Variants in CACNA1G observed in about 807,000 individuals in gnomAD.
The protein encoded by CACNA1G is calcium voltage-gated channel subunit alpha1 G.
In CACNA1G, 67 loss-of-function variants were observed where a neutral mutation model predicts 219.4. The ratio of observed to expected loss-of-function variants is 0.31; its 90% CI spans 0.25 to 0.37. The LOEUF is 0.37. CACNA1G is among the 10% of genes least tolerant of loss of function. CACNA1G has a pLI of 1.00. For synonymous variants in CACNA1G, 1,296 were observed against 1,345.3 expected, an observed-to-expected ratio of 0.96 and a Z score of 0.80; for missense variants, 2,380 against 3,231.4, an observed-to-expected ratio of 0.74 and a Z score of 6.39.
intron 16 of CACNA1G, among the ~76,000 whole-genome samples, chr17:50,598,510 G>GT (rs1180800415): frequency 1.3e-5 from 2 of 152,212 alleles, no homozygotes; most frequent in East Asian, 3.8e-4. Context: ...CTATTTTTAG[G>GT]TTTTTGAGGA....
At position 50,626,439 on chromosome 17, in the gene CACNA1G, C is replaced by G. The variant is rs1169523302; in HGVS notation, c.6822C>G (p.Cys2274Trp). The change falls in exon 38 of 38, where the codon TGC (cysteine) becomes TGG (tryptophan). Residue 2274 changes from cysteine to tryptophan, a missense_variant. Coordinates refer to ENST00000359106, the MANE Select transcript of CACNA1G (RefSeq NM_018896.5). This position sits in a 1 kb window ranked among gnomAD's most constrained non-coding sequence, Gnocchi z 4.3. ...GGAGACACTCTATCGCCGTCAGCTG[C>G]CTGGACAGCGGCTCCCAACCCCACC... ...EQRRHSIAVS[C>W]LDSGSQPHLG... 6.2e-7 allele frequency: 1 copy of G among 1,606,744 alleles called. No individual in the cohort carries two copies.
intron 1 of CACNA1G, 68 bp downstream of exon 1, chr17:50,561,769 G>T: frequency 3.4e-6 from 5 of 1,458,928 alleles, no homozygotes; most frequent in Non-Finnish European, 3.6e-6. Flanking sequence ...CCGGGGGTCG[G>T]GGGGGAAGAA....
intron 37 of CACNA1G, among the ~76,000 whole-genome samples, chr17:50,625,654 G>C (rs2053590786): frequency 6.6e-6 from 1 of 152,206 alleles, no homozygotes; most frequent in African/African-American, 2.4e-5. Context: ...CAGAGCCAAA[G>C]GGGAAGTCTA....
intron 28 of CACNA1G, 114 bp downstream of exon 28, chr17:50,616,498 T>G (rs1320260891): frequency 6.3e-6 from 4 of 636,258 alleles, no homozygotes; most frequent in Non-Finnish European, 1.1e-5. Flanking sequence ...TTCCTGAGGT[T>G]CAGCCCCCAC....
At position 50,627,311 on chromosome 17, in the gene CACNA1G, T is replaced by C. The variant is rs891717123; in HGVS notation, c.*560T>C. 1.9e-5 allele frequency: 8 copies of C among 423,654 alleles called. No individual in the cohort carries two copies. Among genetic ancestry groups the C allele is most frequent in the Non-Finnish European group, 3.8e-5 (8 of 209,828 alleles). The allele number at this position is 423,654 out of a possible 1,614,324, so 26.2% of individuals were successfully genotyped here. Reference sequence around the variant, plus strand: ...CCATTTTGGAAACTGTAATGTAACTTATTTTTTCCTTTAACCTCGTCATCA... The same window carrying C: ...CCATTTTGGAAACTGTAATGTAACTCATTTTTTCCTTTAACCTCGTCATCA... On this transcript the variant is annotated 3_prime_UTR_variant, in exon 38 of 38. Transcript: ENST00000359106.
At chr17:50,597,277 C>T (rs760411666) in intron 16 of CACNA1G, among the ~76,000 whole-genome samples, 1 of 152,180 alleles carries the variant, frequency 6.6e-6, no homozygotes, top group African/African-American at 2.4e-5. Context: ...GGTACTGACT[C>T]TGTGCCAGAC....
Position 50,618,002 on chromosome 17 carries a change from T to G in CACNA1G, c.5227-46T>G. 1 of 1,612,810 alleles carries G rather than the reference T, an allele frequency of 6.2e-7. No individual in the cohort carries two copies. Among genetic ancestry groups the G allele is most frequent in the Admixed American group, 1.7e-5 (1 of 60,006 alleles). On this transcript the variant is annotated intron_variant, in intron 30 of 37. Transcript: ENST00000359106. This position sits in a 1 kb window ranked among gnomAD's most constrained non-coding sequence, Gnocchi z 5.3. Reference sequence around the variant, plus strand: ...AGGGAAGGGGCTCAGAGAAGCTGACTGGGAGACCCAGCGGCATCGTTTCTA... The same window carrying G: ...AGGGAAGGGGCTCAGAGAAGCTGACGGGGAGACCCAGCGGCATCGTTTCTA...
At chr17:50,580,623 C>T (rs569173970) in intron 9 of CACNA1G, among the ~76,000 whole-genome samples, 1 of 152,330 alleles carries the variant, frequency 6.6e-6, no homozygotes, top group East Asian at 1.9e-4. Flanking sequence ...CCTGCACCTT[C>T]TTCTTGCTCA....
chr17:50,608,904 CCTCT>C (rs147501525), intron 25 of CACNA1G, among the ~76,000 whole-genome samples: 17 of 150,914 alleles, frequency 1.1e-4, no homozygotes, highest in Non-Finnish European at 2.2e-4. Flanking sequence ...AATCTCCGCG[CCTCT>C]CTCTCTCTCT....
chr17:50,616,665 G>A (rs1167351134), intron 28 of CACNA1G, among the ~76,000 whole-genome samples: 2 of 152,186 alleles, frequency 1.3e-5, no homozygotes, highest in Non-Finnish European at 2.9e-5. Context: ...CACAGAGCCT[G>A]GAGCCAGACT....
At chr17:50,625,880 C>A in intron 37 of CACNA1G, 137 bp from the exon 38 acceptor site, 1 of 876,598 alleles carries the variant, frequency 1.1e-6, no homozygotes, top group Non-Finnish European at 1.7e-6. Context: ...CTAGTAAGAG[C>A]GGCTACCAGG....
At chr17:50,615,556 T>G in intron 27 of CACNA1G, 44 bp downstream of exon 27, 1 of 1,596,756 alleles carries the variant, frequency 6.3e-7, no homozygotes, top group South Asian at 1.1e-5. Context: ...CACCTCCAGC[T>G]GAGGAACCTC....
intron 21 of CACNA1G, 38 bp from the exon 22 acceptor site, chr17:50,604,116 TG>T (rs1250579551): frequency 3.1e-6 from 5 of 1,599,146 alleles, no homozygotes; most frequent in Non-Finnish European, 3.4e-6. Context: ...GGGTCTGGGC[TG>T]GGGGAAGCCT....
chr17:50,565,450 A>G (rs2037521106), intron 1 of CACNA1G, among the ~76,000 whole-genome samples: 1 of 150,926 alleles, frequency 6.6e-6, no homozygotes, highest in Non-Finnish European at 1.5e-5. Context: ...CCTACATCCC[A>G]TGTTACCCTA....
rs757659789 is a variant in CACNA1G at position 50,618,150 on chromosome 17, G to T, written c.5305+24G>T. The T allele has an allele frequency of 6.2e-7, 1 of 1,613,466 alleles. No individual in the cohort carries two copies. The highest frequency in any genetic ancestry group is 1.7e-5 in the Admixed American group (1 of 59,944). On this transcript the variant is annotated intron_variant, in intron 31 of 37. Coordinates refer to ENST00000359106, the MANE Select transcript of CACNA1G (RefSeq NM_018896.5). The surrounding 1 kb of genome is among the most constrained non-coding windows in gnomAD (Gnocchi z 5.3). Reference sequence around the variant, plus strand: ...GGGTGAGTTGGGGTAGGGGAGGGTGGAGGAGCCAGGGCTGGAGACCAGGGG... The same window carrying T: ...GGGTGAGTTGGGGTAGGGGAGGGTGTAGGAGCCAGGGCTGGAGACCAGGGG...
Position 50,603,343 on chromosome 17 carries a change from C to T in CACNA1G, c.4169+144C>T. 1 of 685,640 alleles carries T rather than the reference C, an allele frequency of 1.5e-6. No homozygotes were observed. The highest frequency in any genetic ancestry group is 1.9e-5 in the South Asian group (1 of 53,130). The allele number at this position is 685,640 out of a possible 1,614,324, so 42.5% of individuals were successfully genotyped here. On this transcript the variant is annotated intron_variant, in intron 21 of 37. Transcript: ENST00000359106. This position sits in a 1 kb window ranked among gnomAD's most constrained non-coding sequence, Gnocchi z 6.4. The stretch of plus-strand genomic sequence containing the variant: ...GTGACCCCCACAGGCGATCCTGTCC[C>T]CGCCCCAGACAACACTCAGATTACG...
chr17:50,603,408 C>T lies in CACNA1G; in HGVS notation c.4169+209C>T, dbSNP rs937603589. Among the ~76,000 whole-genome samples, 9 of 152,196 alleles carry T rather than the reference C, an allele frequency of 5.9e-5. No individual in the cohort carries two copies. Among genetic ancestry groups the T allele is most frequent in the Non-Finnish European group, 2.9e-5 (2 of 68,024 alleles). On this transcript the variant is annotated intron_variant, in intron 21 of 37. Coordinates refer to ENST00000359106, the MANE Select transcript of CACNA1G (RefSeq NM_018896.5). This position sits in a 1 kb window ranked among gnomAD's most constrained non-coding sequence, Gnocchi z 6.4. Reference sequence around the variant, plus strand: ...CCTCCAGGTGCACACCTGCTTTCCTCCTCTTCAACATGACATATTCCTCAG... The same window carrying T: ...CCTCCAGGTGCACACCTGCTTTCCTTCTCTTCAACATGACATATTCCTCAG...
chr17:50,590,238 C>T (rs2043991137), intron 9 of CACNA1G, among the ~76,000 whole-genome samples: 1 of 152,158 alleles, frequency 6.6e-6, no homozygotes, highest in South Asian at 2.1e-4. Context: ...ATCTGAGACC[C>T]AGAGCTGGGG....
At position 50,561,229 on chromosome 17, in the gene CACNA1G, G is replaced by A. The variant is rs761001427; in HGVS notation, c.-231G>A. 1.8e-6 allele frequency: 1 copy of A among 554,332 alleles called. No individual in the cohort carries two copies. Among genetic ancestry groups the A allele is most frequent in the Non-Finnish European group, 3.2e-6 (1 of 315,790 alleles). 34.3% of individuals were successfully genotyped at this position (554,332 alleles called of 1,614,324 possible). On this transcript the variant is annotated 5_prime_UTR_variant, in exon 1 of 38. Coordinates refer to ENST00000359106, the MANE Select transcript of CACNA1G (RefSeq NM_018896.5). ...CCCGGGAAGCCCCAGGGGCGCAGGG[G>A]AAGCGGGACTCGCGCCGGGCGGGGT...
Sources: allele counts gnomAD v4.1 joint callset (sites outside exome capture counted in the v4.1 genomes callset), GRCh38; gene constraint gnomAD v4.1.1; non-coding constraint Gnocchi (gnomAD v3.1); transcripts MANE v1.5; gene names NCBI Gene and HGNC (gene_info 2026-07-23, HGNC 2026-07-21).